PIGU: variants seen among roughly 807,000 people sequenced by gnomAD.
PIGU encodes the protein GPI-anchor transamidase component PIGU.
In PIGU, 24 loss-of-function variants were observed where a neutral mutation model predicts 49.9. The ratio of observed to expected loss-of-function variants is 0.48; its 90% CI spans 0.35 to 0.68. The LOEUF (loss-of-function observed/expected upper bound fraction) is 0.68. PIGU is among the 30% of genes least tolerant of loss of function. The probability of loss-of-function intolerance (pLI) is 0.01; values close to 1 mark genes in which losing one functional copy is unlikely to be tolerated. For synonymous variants in PIGU, 220 were observed against 205.7 expected, an observed-to-expected ratio of 1.07 and a Z score of -0.59; for missense variants, 490 against 532.6, an observed-to-expected ratio of 0.92 and a Z score of 0.79.
At position 34,560,637 on chromosome 20, in the gene PIGU, G is replaced by T; in HGVS notation, c.*229C>A. On this transcript the variant is annotated 3_prime_UTR_variant, in exon 12 of 12. Coordinates refer to ENST00000217446, the MANE Select transcript of PIGU (RefSeq NM_080476.5). ...CTTCCTGTCTGGGAGGGGGCTCCTT[G>T]GTGTGCAGAGCCACAAGGTGGGGGT... 2.2e-6 allele frequency: 1 copy of T among 446,636 alleles called. No homozygotes were observed. Among genetic ancestry groups the T allele is most frequent in the South Asian group, 5.1e-5 (1 of 19,444 alleles). 27.7% of individuals were successfully genotyped at this position (446,636 alleles called of 1,614,324 possible). A position where few individuals can be genotyped will look rare whatever the true frequency, so the allele number is the denominator to read the frequency against.
chr20:34,677,045 G>A lies in PIGU; in HGVS notation c.41C>T (p.Thr14Ile), dbSNP rs866619121. Residue 14 changes from threonine (T) to isoleucine (I), a missense_variant, in exon 1 of 12, where the codon ACA becomes ATA. Thr to Ile is a moderately conservative substitution (Grantham distance 89). Transcript: ENST00000217446. Reference sequence around the variant, plus strand: ...GGAGCGGAACAAGGCCGCCCGCACTGTCACAGCCACCACCAGCACCAGGAC... The same window carrying A: ...GGAGCGGAACAAGGCCGCCCGCACTATCACAGCCACCACCAGCACCAGGAC... The part of the protein sequence containing the change: ...PLVLVLVVAV[T>I]VRAALFRSSL... 1 of 1,575,618 alleles carries A rather than the reference G, an allele frequency of 6.3e-7. No homozygotes were observed. Among genetic ancestry groups the A allele is most frequent in the Admixed American group, 1.9e-5 (1 of 53,630 alleles).
At chr20:34,648,954 G>A (rs530848089) in intron 2 of PIGU, among the ~76,000 whole-genome samples, 25 of 152,134 alleles carry the variant, frequency 1.6e-4, no homozygotes, top group Non-Finnish European at 3.2e-4. Flanking sequence ...TGCAACCTCC[G>A]CCTCCTGGGT....
intron 6 of PIGU, 88 bp from the exon 7 acceptor site, chr20:34,616,227 T>A: frequency 7.0e-7 from 1 of 1,423,220 alleles, no homozygotes; most frequent in Non-Finnish European, 9.5e-7. Context: ...AAACTTTCCA[T>A]AACTGCTCAA....
At chr20:34,594,355 G>A (rs78522696) in intron 7 of PIGU, among the ~76,000 whole-genome samples, 6 of 152,112 alleles carry the variant, frequency 3.9e-5, no homozygotes, top group East Asian at 3.9e-4. Flanking sequence ...ACTGGAGAGC[G>A]GCTGAATAAA....
At chr20:34,648,930 C>T (rs1197223742) in intron 2 of PIGU, among the ~76,000 whole-genome samples, 5 of 152,086 alleles carry the variant, frequency 3.3e-5, no homozygotes, top group South Asian at 2.1e-4. Context: ...TGCAGTGGCG[C>T]GATCTCAGCT....
intron 7 of PIGU, among the ~76,000 whole-genome samples, chr20:34,615,466 T>C (rs1260804296): frequency 6.6e-6 from 1 of 152,188 alleles, no homozygotes; most frequent in Non-Finnish European, 1.5e-5. Flanking sequence ...CGTTTGCAAA[T>C]ATGTAAAATA....
intron 11 of PIGU, among the ~76,000 whole-genome samples, chr20:34,570,885 A>C (rs1982983776): frequency 6.6e-6 from 1 of 152,178 alleles, no homozygotes; most frequent in Non-Finnish European, 1.5e-5. Context: ...CTCACAAAAT[A>C]AAAGGGTTAA....
chr20:34,663,967 T>C (rs143786612), intron 1 of PIGU, among the ~76,000 whole-genome samples: 1 of 152,316 alleles, frequency 6.6e-6, no homozygotes, highest in African/African-American at 2.4e-5. Context: ...TTTTAGGCAA[T>C]TGCCTAAAAT....
intron 6 of PIGU, among the ~76,000 whole-genome samples, chr20:34,633,021 C>G (rs1985839860): frequency 6.7e-6 from 1 of 150,338 alleles, no homozygotes; most frequent in African/African-American, 2.4e-5. Flanking sequence ...AGCAAAAAAC[C>G]AAACAAGCAA....
At chr20:34,607,457 G>A (rs1044082962) in intron 7 of PIGU, among the ~76,000 whole-genome samples, 17 of 152,120 alleles carry the variant, frequency 1.1e-4, no homozygotes, top group African/African-American at 3.6e-4. Context: ...GCGGGACCTC[G>A]GAGAAGAGTT....
At chr20:34,561,547 T>C (rs1982511837) in intron 11 of PIGU, among the ~76,000 whole-genome samples, 1 of 152,110 alleles carries the variant, frequency 6.6e-6, no homozygotes, top group Admixed American at 6.5e-5. Context: ...CAGCAAAGCT[T>C]GGTCCTTGGG....
At chr20:34,619,604 A>T (rs1985133087) in intron 6 of PIGU, among the ~76,000 whole-genome samples, 1 of 152,218 alleles carries the variant, frequency 6.6e-6, no homozygotes, top group Non-Finnish European at 1.5e-5. Flanking sequence ...CAAACACATG[A>T]CTTTCTCCTG....
rs532454230 is a variant in PIGU, at chr20:34,649,082, T to C, written c.196-3748A>G. Among the ~76,000 whole-genome samples, 14 of 152,262 alleles carry C rather than the reference T, an allele frequency of 9.2e-5. No homozygotes were observed. The South Asian group carries it at 2.9e-3, about 32-fold the overall frequency. ...TGGGGTTTCACTGTCTTAGCCAGGA[T>C]GGTCTCAAACTCCTGACCTCGTGAT... On this transcript the variant is annotated intron_variant, in intron 2 of 11. Transcript: ENST00000217446.
intron 7 of PIGU, among the ~76,000 whole-genome samples, chr20:34,591,471 TCAAG>T (rs1474589399): frequency 1.3e-5 from 2 of 152,232 alleles, no homozygotes. Context: ...CACATTCATT[TCAAG>T]CATTTTGGGG....
chr20:34,640,482 C>T (rs1986115447), intron 4 of PIGU, among the ~76,000 whole-genome samples: 1 of 139,660 alleles, frequency 7.2e-6, no homozygotes. Context: ...TAAAATTATA[C>T]ACACATGTGC....
chr20:34,563,515 C>T (rs901888789), intron 11 of PIGU, among the ~76,000 whole-genome samples: 1 of 151,818 alleles, frequency 6.6e-6, no homozygotes, highest in Non-Finnish European at 1.5e-5. Context: ...TGCGCCATTG[C>T]ACTCCAGCCT....
chr20:34,672,936 T>G (rs1005794294), intron 1 of PIGU, among the ~76,000 whole-genome samples: 1 of 150,810 alleles, frequency 6.6e-6, no homozygotes, highest in African/African-American at 2.4e-5. Context: ...AGGGCCCCTT[T>G]ACCCAAAGAA....
chr20:34,580,026 T>C (rs1207577041), intron 10 of PIGU, among the ~76,000 whole-genome samples: 1 of 152,188 alleles, frequency 6.6e-6, no homozygotes, highest in African/African-American at 2.4e-5. Context: ...ATGATGTGCC[T>C]AAGAACACAT....
intron 6 of PIGU, among the ~76,000 whole-genome samples, chr20:34,622,039 A>G (rs1199016562): frequency 1.3e-5 from 2 of 152,150 alleles, no homozygotes; most frequent in African/African-American, 4.8e-5. Flanking sequence ...AATTAGCTCA[A>G]TATAGCCAAA....
Sources: allele counts gnomAD v4.1 joint callset (sites outside exome capture counted in the v4.1 genomes callset), GRCh38; gene constraint gnomAD v4.1.1; transcripts MANE v1.5; gene names NCBI Gene and HGNC (gene_info 2026-07-23, HGNC 2026-07-21).